C1QTNF2: variants seen among roughly 807,000 people sequenced by gnomAD.
C1QTNF2 encodes the protein complement C1q tumor necrosis factor-related protein 2.
Under a neutral mutation model 17.4 loss-of-function variants are expected in C1QTNF2, and 15 were observed. That is an observed-to-expected ratio of 0.86 (90% CI 0.58 to 1.33). The LOEUF is 1.33. Ranked by LOEUF, C1QTNF2 falls within the 40% of genes most tolerant of loss-of-function variation. The probability of loss-of-function intolerance (pLI) is 0.00; values close to 1 mark genes in which losing one functional copy is unlikely to be tolerated. For synonymous variants in C1QTNF2, 154 were observed against 163.3 expected (o/e 0.94, Z 0.44); for missense variants, 381 against 392.3 (o/e 0.97, Z 0.24).
chr5:160,363,039 A>T (rs892354318), intron 1 of C1QTNF2, among the ~76,000 whole-genome samples: 2 of 152,216 alleles, frequency 1.3e-5, no homozygotes, highest in Admixed American at 6.5e-5. Context: ...GGAGTGTTTC[A>T]GGGGAGGCCT....
At chr5:160,363,382 C>G (rs1764188717) in intron 1 of C1QTNF2, among the ~76,000 whole-genome samples, 1 of 152,198 alleles carries the variant, frequency 6.6e-6, no homozygotes, top group South Asian at 2.1e-4. Flanking sequence ...AATCCAGAGT[C>G]TAAATACAGA....
intron 2 of C1QTNF2, among the ~76,000 whole-genome samples, chr5:160,350,529 C>G (rs1763897787): frequency 6.6e-6 from 1 of 152,026 alleles, no homozygotes; most frequent in South Asian, 2.1e-4. Context: ...TGTAGCCAGA[C>G]AGTCTCTACA....
chr5:160,360,718 T>C (rs1377660717), intron 1 of C1QTNF2, among the ~76,000 whole-genome samples: 1 of 152,184 alleles, frequency 6.6e-6, no homozygotes, highest in African/African-American at 2.4e-5. Flanking sequence ...CATTAGAGCC[T>C]TCCTACTAAA....
chr5:160,361,683 C>A (rs142073998), intron 1 of C1QTNF2, among the ~76,000 whole-genome samples: 1 of 152,196 alleles, frequency 6.6e-6, no homozygotes, highest in African/African-American at 2.4e-5. Context: ...ACACTGTAAA[C>A]GCTCCACGGT....
Position 160,348,567 on chromosome 5 carries a change from C to T in C1QTNF2, c.*601G>A, listed in dbSNP as rs1763845287. ...AAAATGGAAATTTTCCAGGTACTGA[C>T]TTAGAGGGGTCTTAAGAGAGCTTTT... is the stretch of plus-strand genomic sequence containing the variant. On this transcript the variant is annotated 3_prime_UTR_variant, in exon 3 of 3. Transcript: ENST00000652664. 6.6e-6 allele frequency: 1 copy of T among 152,302 alleles called. No individual in the cohort carries two copies. The highest frequency in any genetic ancestry group is 2.1e-4 in the South Asian group (1 of 4,832). The allele number at this position is 152,302 out of a possible 1,614,324, so 9.4% of individuals were successfully genotyped here.
rs185149804 is a variant in C1QTNF2, at chr5:160,348,904, C to T, written c.*264G>A. 74 of 419,672 alleles carry T rather than the reference C, an allele frequency of 1.8e-4. No individual in the cohort carries two copies. In the East Asian group the frequency reaches 2.7e-3, roughly 15 times the overall value. 26.0% of individuals were successfully genotyped at this position (419,672 alleles called of 1,614,324 possible). ...TGTAAGCTGCATGAGGACAGATACT[C>T]TGTCTTGTCCACTGCTGCATCTTTC... On this transcript the variant is annotated 3_prime_UTR_variant, in exon 3 of 3. Coordinates refer to ENST00000652664, the MANE Select transcript of C1QTNF2 (RefSeq NM_031908.6).
At chr5:160,357,035 C>T (rs1764064184) in intron 1 of C1QTNF2, among the ~76,000 whole-genome samples, 1 of 152,174 alleles carries the variant, frequency 6.6e-6, no homozygotes, top group Non-Finnish European at 1.5e-5. Context: ...AAAAGGCCCC[C>T]ATGGAAAAGA....
At chr5:160,369,827 A>C (rs1048372080) in intron 1 of C1QTNF2, among the ~76,000 whole-genome samples, 42 of 152,348 alleles carry the variant, frequency 2.8e-4, no homozygotes, top group Admixed American at 2.6e-3. Flanking sequence ...AGAATGGGGC[A>C]GCAGCAGTGG....
At position 160,348,128 on chromosome 5, in the gene C1QTNF2, G is replaced by A. The variant is rs1032869037; in HGVS notation, c.*1040C>T. 3 of 152,214 alleles carry A rather than the reference G, an allele frequency of 2.0e-5. No individual in the cohort carries two copies. The highest frequency in any genetic ancestry group is 7.2e-5 in the African/African-American group (3 of 41,436). The allele number at this position is 152,214 out of a possible 1,614,324, so 9.4% of individuals were successfully genotyped here. ...CATACTGGCAACACCTGTGCTTGGG[G>A]TGCGATTCATTTGCGTGGGATCCAT... On this transcript the variant is annotated 3_prime_UTR_variant, in exon 3 of 3. Transcript: ENST00000652664.
rs187337011 is a variant in C1QTNF2, at chr5:160,368,551, A to G, written c.-10+1961T>C. Reference sequence around the variant, plus strand: ...CTTCTCAAAAAAAAAGAAAAAAGAAAAAAAAGAGAAGCTAAAATGGAATAT... The same window carrying G: ...CTTCTCAAAAAAAAAGAAAAAAGAAGAAAAAGAGAAGCTAAAATGGAATAT... On this transcript the variant is annotated intron_variant, in intron 1 of 2. Transcript: ENST00000652664. Among the ~76,000 whole-genome samples, 618 of 152,106 alleles carry G rather than the reference A, an allele frequency of 4.1e-3. 2 individuals are homozygous for G. Among genetic ancestry groups the G allele is most frequent in the Non-Finnish European group, 6.8e-3 (462 of 67,976 alleles).
At position 160,370,496 on chromosome 5, in the gene C1QTNF2, G is replaced by C; in HGVS notation, c.-10+16C>G. On this transcript the variant is annotated intron_variant, in intron 1 of 2. Coordinates refer to ENST00000652664, the MANE Select transcript of C1QTNF2 (RefSeq NM_031908.6). The stretch of plus-strand genomic sequence containing the variant: ...GCACTTGCCGCCCCCGCCCGACCGC[G>C]GTGCGGGACACTCACCCTCGCGGCT... 7.0e-7 allele frequency: 1 copy of C among 1,435,304 alleles called. No homozygotes were observed. The highest frequency in any genetic ancestry group is 1.5e-5 in the South Asian group (1 of 68,226). The allele number at this position is 1,435,304 out of a possible 1,614,324, so 88.9% of individuals were successfully genotyped here.
At position 160,353,866 on chromosome 5, in the gene C1QTNF2, C is replaced by T. The variant is rs550378637; in HGVS notation, c.244+902G>A. On this transcript the variant is annotated intron_variant, in intron 2 of 2. Transcript: ENST00000652664. ...TTTCCCAGGCTGGAGTGCAGTGGCA[C>T]GATCTCAACTCACTCCAACCTCTGC... Among the ~76,000 whole-genome samples, 22 of 137,918 alleles carry T rather than the reference C, an allele frequency of 1.6e-4. 1 individual carries two copies. The South Asian group carries it at 2.3e-3, about 15-fold the overall frequency. The allele number at this position is 137,918 out of a possible 152,430, so 90.5% of individuals were successfully genotyped here.
At chr5:160,370,379 G>A in intron 1 of C1QTNF2, 133 bp downstream of exon 1, 1 of 1,167,400 alleles carries the variant, frequency 8.6e-7, no homozygotes, top group Non-Finnish European at 1.1e-6. Context: ...GAGCTGCCCA[G>A]CCCGCAATAA....
intron 1 of C1QTNF2, among the ~76,000 whole-genome samples, chr5:160,365,716 C>T (rs2113535420): frequency 6.6e-6 from 1 of 152,272 alleles, no homozygotes; most frequent in Non-Finnish European, 1.5e-5. Context: ...GTTTCTTTGT[C>T]TGTAAAATGA....
chr5:160,362,885 A>T (rs2113529934), intron 1 of C1QTNF2, among the ~76,000 whole-genome samples: 1 of 152,346 alleles, frequency 6.6e-6, no homozygotes, highest in Middle Eastern at 3.4e-3. Flanking sequence ...AGTCTGCCTT[A>T]CAGGGTTATT....
intron 1 of C1QTNF2, chr5:160,355,416 G>T: frequency 4.4e-6 from 1 of 228,234 alleles, no homozygotes; most frequent in Non-Finnish European, 7.3e-6. Flanking sequence ...AGTTCTACAA[G>T]GGTAATGTTT....
intron 1 of C1QTNF2, among the ~76,000 whole-genome samples, chr5:160,368,341 G>C (rs1220730473): frequency 1.3e-5 from 2 of 152,042 alleles, no homozygotes; most frequent in Non-Finnish European, 2.9e-5. Context: ...AGACCAGCCC[G>C]GCCAATATGG....
rs373524469 is a variant in C1QTNF2 at position 160,353,215 on chromosome 5, C to T, written c.244+1553G>A. Among the ~76,000 whole-genome samples, 10 of 152,182 alleles carry T rather than the reference C, an allele frequency of 6.6e-5. No individual in the cohort carries two copies. In the South Asian group the frequency reaches 1.0e-3, roughly 16 times the overall value. On this transcript the variant is annotated intron_variant, in intron 2 of 2. Transcript: ENST00000652664. ...CAGATGGGCAACATGTTCAAAAGTG[C>T]TTTGTCAATATTAAAATGCCATACA...
intron 2 of C1QTNF2, among the ~76,000 whole-genome samples, chr5:160,351,595 G>T (rs1763923377): frequency 6.6e-6 from 1 of 152,006 alleles, no homozygotes; most frequent in African/African-American, 2.4e-5. Context: ...GACAATGCCT[G>T]GTATTATTAA....
Sources: gnomAD v4.1 joint callset for allele counts (sites outside exome capture counted in the v4.1 genomes callset) on GRCh38, gnomAD v4.1.1 for gene constraint, MANE v1.5 for transcripts, NCBI Gene and HGNC (gene_info 2026-07-23, HGNC 2026-07-21) for gene names.